HDAC9: variants seen among roughly 807,000 people sequenced by gnomAD.
The protein encoded by HDAC9 is MEF-2 interacting transcription repressor (MITR) protein.
Under a neutral mutation model 139.4 loss-of-function variants are expected in HDAC9, and 41 were observed. The observed-to-expected ratio is 0.29, with a 90% CI of 0.23 to 0.38. HDAC9 has a LOEUF of 0.38. Among genes scored for constraint, HDAC9 ranks in the 10% least tolerant of loss-of-function variants. HDAC9 has a pLI of 1.00. For missense variants in HDAC9, 1,147 were observed against 1,297.0 expected, an observed-to-expected ratio of 0.88 and a Z score of 1.78; for synonymous variants, 517 against 476.2, an observed-to-expected ratio of 1.09 and a Z score of -1.12.
At chr7:18,329,186 T>A (rs1162950458) in intron 1 of HDAC9, among the ~76,000 whole-genome samples, 1 of 151,774 alleles carries the variant, frequency 6.6e-6, no homozygotes, top group East Asian at 1.9e-4. Context: ...TGGGTCTTCT[T>A]TTTTTCTTTG....
chr7:18,684,907 C>G (rs1260401207), intron 12 of HDAC9, among the ~76,000 whole-genome samples: 1 of 151,944 alleles, frequency 6.6e-6, no homozygotes, highest in African/African-American at 2.4e-5. Flanking sequence ...CATCATTTCT[C>G]TTGATTTTAA....
intron 22 of HDAC9, among the ~76,000 whole-genome samples, chr7:18,928,080 T>C (rs944518563): frequency 7.9e-5 from 12 of 152,204 alleles, no homozygotes; most frequent in African/African-American, 1.7e-4. Context: ...TCTCTGAGAA[T>C]TGGCTGCTGA....
At chr7:18,579,490 A>G (rs1311033824) in intron 2 of HDAC9, among the ~76,000 whole-genome samples, 1 of 152,220 alleles carries the variant, frequency 6.6e-6, no homozygotes, top group African/African-American at 2.4e-5. Context: ...CCATGCATGA[A>G]GGGAGGAACA....
intron 1 of HDAC9, among the ~76,000 whole-genome samples, chr7:18,151,401 A>G (rs1786769131): frequency 6.6e-6 from 1 of 152,206 alleles, no homozygotes; most frequent in Admixed American, 6.5e-5. Context: ...AATGAGGTTT[A>G]ATAGGATTGG....
chr7:18,287,737 GGTA>G (rs1797545543), upstream of HDAC9, among the ~76,000 whole-genome samples: 1 of 152,194 alleles, frequency 6.6e-6, no homozygotes, highest in Non-Finnish European at 1.5e-5. Flanking sequence ...CTGTTTGAAG[GGTA>G]GTAGTTTGTC....
intron 1 of HDAC9, among the ~76,000 whole-genome samples, chr7:18,118,730 G>A (rs928312970): frequency 6.6e-6 from 1 of 152,104 alleles, no homozygotes; most frequent in Admixed American, 6.5e-5. Context: ...TCAAATCCTT[G>A]TCTATTTTGT....
Position 18,647,730 on chromosome 7 carries a change from C to G in HDAC9, c.1036-55C>G, listed in dbSNP as rs866857729. 2.3e-5 allele frequency: 33 copies of G among 1,420,530 alleles called. No individual in the cohort carries two copies. The Middle Eastern group carries it at 1.8e-3, about 77-fold the overall frequency. 88.0% of individuals were successfully genotyped at this position (1,420,530 alleles called of 1,614,324 possible). ...GAAACTTGTCTAATGATTTAGAGAC[C>G]CAGTGACCCACATGGATGAAAGAGG... On this transcript the variant is annotated intron_variant, in intron 9 of 25. Coordinates refer to ENST00000686413, the MANE Select transcript of HDAC9 (RefSeq NM_178425.4).
intron 16 of HDAC9, among the ~76,000 whole-genome samples, chr7:18,774,572 T>A (rs1040346685): frequency 8.5e-5 from 13 of 152,096 alleles, no homozygotes; most frequent in African/African-American, 2.9e-4. Context: ...TACATAATTT[T>A]AAAACTATGT....
chr7:18,941,761 G>T (rs1782045188), intron 23 of HDAC9, among the ~76,000 whole-genome samples: 1 of 152,138 alleles, frequency 6.6e-6, no homozygotes. Flanking sequence ...AATCTAAAGA[G>T]AATAAAACTG....
intron 16 of HDAC9, among the ~76,000 whole-genome samples, chr7:18,770,405 G>A (rs544187414): frequency 8.5e-5 from 13 of 152,158 alleles, no homozygotes; most frequent in African/African-American, 2.9e-4. Flanking sequence ...GCCAGTGCAG[G>A]ATCTCTTCAG....
In HDAC9 at chr7:18,892,737, G is replaced by A. The variant is rs934770130; in HGVS notation, c.2803+18141G>A. The A allele has an allele frequency of 3.9e-5, 6 of 152,212 alleles. No homozygotes were observed. In the East Asian group the frequency reaches 1.2e-3, roughly 29 times the overall value. The allele number at this position is 152,212 out of a possible 1,614,324, so 9.4% of individuals were successfully genotyped here. A position where few individuals can be genotyped will look rare whatever the true frequency, so the allele number is the denominator to read the frequency against. On this transcript the variant is annotated intron_variant, in intron 22 of 25. Transcript: ENST00000686413. ...ATTTTTAAGAAGCAATACAAAGTGGGAAAAGGAGAATTATTGCCCAGAAAT... is the reference window on the plus strand; with the variant it reads ...ATTTTTAAGAAGCAATACAAAGTGGAAAAAGGAGAATTATTGCCCAGAAAT...
At chr7:18,931,361 A>G (rs542292158) in intron 22 of HDAC9, among the ~76,000 whole-genome samples, 1 of 152,296 alleles carries the variant, frequency 6.6e-6, no homozygotes, top group Non-Finnish European at 1.5e-5. Flanking sequence ...AAAGATTCTT[A>G]TCGGCATCAT....
At chr7:18,468,151 A>G (rs1794443856) in intron 1 of HDAC9, among the ~76,000 whole-genome samples, 1 of 152,102 alleles carries the variant, frequency 6.6e-6, no homozygotes, top group South Asian at 2.1e-4. Context: ...CTTTAAAGTT[A>G]CTTTTTTCTC....
chr7:18,100,462 CTGTT>C (rs1042187399), intron 1 of HDAC9, among the ~76,000 whole-genome samples: 10 of 152,018 alleles, frequency 6.6e-5, no homozygotes, highest in South Asian at 2.1e-4. Flanking sequence ...CACTGATGCT[CTGTT>C]TGTTTATTTT....
chr7:18,732,555 A>ACG (rs67757591), intron 13 of HDAC9, among the ~76,000 whole-genome samples: 1 of 622 alleles, frequency 1.6e-3, no homozygotes, highest in Non-Finnish European at 2.8e-3. Flanking sequence ...TAATGTATAT[A>ACG]CACACGTGTA....
At chr7:18,663,951 A>G (rs1434911371) in intron 11 of HDAC9, among the ~76,000 whole-genome samples, 1 of 152,082 alleles carries the variant, frequency 6.6e-6, no homozygotes, top group Admixed American at 6.6e-5. Flanking sequence ...GATGTTTGTT[A>G]CCCAGTGTCC....
chr7:18,822,882 G>A (rs1795094621), intron 17 of HDAC9, among the ~76,000 whole-genome samples: 1 of 151,890 alleles, frequency 6.6e-6, no homozygotes, highest in Non-Finnish European at 1.5e-5. Flanking sequence ...GATTAAATGG[G>A]CAATAAAATA....
At chr7:18,817,596 T>C (rs1362418575) in intron 17 of HDAC9, among the ~76,000 whole-genome samples, 1 of 152,248 alleles carries the variant, frequency 6.6e-6, no homozygotes, top group Non-Finnish European at 1.5e-5. Context: ...AGAAGTTTAT[T>C]GCTGTAAATA....
chr7:18,951,821 C>T (rs923222295), intron 23 of HDAC9, among the ~76,000 whole-genome samples: 10 of 151,686 alleles, frequency 6.6e-5, no homozygotes, highest in Non-Finnish European at 1.5e-5. Context: ...TAAGTGGATG[C>T]TTCAATCAGA....
Sources: allele counts gnomAD v4.1 joint callset (sites outside exome capture counted in the v4.1 genomes callset), GRCh38; gene constraint gnomAD v4.1.1; transcripts MANE v1.5; gene names NCBI Gene and HGNC (gene_info 2026-07-23, HGNC 2026-07-21).